Variants in RUNX1 observed in about 807,000 individuals in gnomAD.
RUNX1 encodes the protein RUNX family transcription factor 1, also known as runt-related transcription factor 1.
Under a neutral mutation model 42.8 loss-of-function variants are expected in RUNX1, and 19 were observed. The ratio of observed to expected loss-of-function variants is 0.44; its 90% CI spans 0.31 to 0.65. RUNX1 has a LOEUF of 0.65. Ranked by LOEUF, RUNX1 falls within the 30% of genes least tolerant of loss-of-function variation. RUNX1 has a pLI of 0.07. For missense variants in RUNX1, 528 were observed against 672.0 expected, an observed-to-expected ratio of 0.79 and a Z score of 2.37; for synonymous variants, 271 against 289.4, an observed-to-expected ratio of 0.94 and a Z score of 0.64.
At chr21:34,854,631 C>T (rs2057471650) in intron 6 of RUNX1, among the ~76,000 whole-genome samples, 1 of 151,834 alleles carries the variant, frequency 6.6e-6, no homozygotes, top group Non-Finnish European at 1.5e-5. Flanking sequence ...GCACATTTTA[C>T]CTTACTCCCT....
At chr21:34,923,994 C>A (rs1206277531) in intron 2 of RUNX1, among the ~76,000 whole-genome samples, 1 of 152,216 alleles carries the variant, frequency 6.6e-6, no homozygotes, top group African/African-American at 2.4e-5. Flanking sequence ...TGTCTTCCCC[C>A]TCTTGAATCT....
rs573662177 is a variant in RUNX1 at position 34,797,886 on chromosome 21, A to G, written c.967+1415T>C. On this transcript the variant is annotated intron_variant, in intron 8 of 8. Transcript: ENST00000675419. The stretch of plus-strand genomic sequence containing the variant: ...GTCTGGAAACATTTTTTATTGTCCT[A>G]ACTGGGGTGAGGGGGATGCTATTGG... Among the ~76,000 whole-genome samples, 30 of 152,210 alleles carry G rather than the reference A, an allele frequency of 2.0e-4. 1 individual carries two copies. In the South Asian group the frequency reaches 6.2e-3, roughly 32 times the overall value.
At chr21:34,990,587 G>A (rs191268200) in intron 2 of RUNX1, among the ~76,000 whole-genome samples, 8 of 152,226 alleles carry the variant, frequency 5.3e-5, no homozygotes, top group East Asian at 3.9e-4. Context: ...CCACAGAGAC[G>A]TGCACCCATA....
chr21:34,882,888 T>C (rs1406176763), intron 4 of RUNX1, among the ~76,000 whole-genome samples: 3 of 152,194 alleles, frequency 2.0e-5, no homozygotes, highest in Non-Finnish European at 2.9e-5. Flanking sequence ...GGCTTCTCTA[T>C]TGTAACTCAA....
chr21:35,007,679 G>A (rs539989970), intron 2 of RUNX1, among the ~76,000 whole-genome samples: 2 of 152,052 alleles, frequency 1.3e-5, no homozygotes, highest in Admixed American at 1.3e-4. Flanking sequence ...CAAGTCATCT[G>A]CCAACCCCCT....
At chr21:34,871,721 ACCTTGGT>A (rs2057740278) in intron 5 of RUNX1, among the ~76,000 whole-genome samples, 1 of 152,120 alleles carries the variant, frequency 6.6e-6, no homozygotes, top group Non-Finnish European at 1.5e-5. Context: ...AAACCCACAA[ACCTTGGT>A]CCTGTCTCCC....
intron 6 of RUNX1, among the ~76,000 whole-genome samples, chr21:34,840,917 G>A (rs1187390877): frequency 6.6e-6 from 1 of 152,100 alleles, no homozygotes; most frequent in Non-Finnish European, 1.5e-5. Flanking sequence ...TACTGACTGG[G>A]ACATTCCATT....
intron 7 of RUNX1, among the ~76,000 whole-genome samples, chr21:34,799,814 A>T (rs1292585514): frequency 2.0e-5 from 3 of 152,230 alleles, no homozygotes; most frequent in African/African-American, 7.2e-5. Context: ...ATGACTGCTG[A>T]CATGATTTCA....
At chr21:34,903,815 G>A (rs951813174) in intron 2 of RUNX1, among the ~76,000 whole-genome samples, 2 of 152,090 alleles carry the variant, frequency 1.3e-5, no homozygotes, top group East Asian at 1.9e-4. Flanking sequence ...TTTCTTGTGG[G>A]GTCATGAAAT....
At chr21:34,914,209 G>C (rs558411871) in intron 2 of RUNX1, among the ~76,000 whole-genome samples, 1 of 152,242 alleles carries the variant, frequency 6.6e-6, no homozygotes, top group African/African-American at 2.4e-5. Flanking sequence ...CTGTAGCTGA[G>C]TTTGCAAGAT....
intron 6 of RUNX1, among the ~76,000 whole-genome samples, chr21:34,854,724 G>A (rs2057472694): frequency 6.6e-6 from 1 of 152,050 alleles, no homozygotes; most frequent in Admixed American, 6.6e-5. Context: ...CACATCACAA[G>A]ACTCTACGTT....
Position 34,834,548 on chromosome 21 carries a change from C to T in RUNX1, c.667G>A (p.Glu223Lys), listed in dbSNP as rs878854468. ...QTKPGSLSFS[E>K]RLSELEQLRR... The stretch of plus-strand genomic sequence containing the variant: ...AGCTGCTCCAGTTCACTGAGCCGCT[C>T]GGAAAAGGACAAGCTCCCGGGCTTG... The change falls in exon 7 of 9, where the codon GAG (glutamate) becomes AAG (lysine). Residue 223 changes from glutamate to lysine, a missense_variant. By Grantham distance (56) the Glu-to-Lys change is moderately conservative. Around this residue, in one of 3 missense-constraint regions of RUNX1, gnomAD observed 331 missense variants for 382.5 expected, o/e 0.87. Coordinates refer to ENST00000675419, the MANE Select transcript of RUNX1 (RefSeq NM_001754.5). The T allele has an allele frequency of 2.4e-5, 38 of 1,602,596 alleles. No homozygotes were observed. Among genetic ancestry groups the T allele is most frequent in the Non-Finnish European group, 2.9e-5 (34 of 1,175,466 alleles).
intron 2 of RUNX1, among the ~76,000 whole-genome samples, chr21:35,024,006 T>G (rs2059218403): frequency 1.3e-5 from 2 of 151,110 alleles, no homozygotes; most frequent in African/African-American, 4.9e-5. Flanking sequence ...ATCAACATAT[T>G]AAATAAATAC....
intron 6 of RUNX1, among the ~76,000 whole-genome samples, chr21:34,844,118 G>GA (rs1189330110): frequency 6.6e-6 from 1 of 152,218 alleles, no homozygotes; most frequent in African/African-American, 2.4e-5. Context: ...AAAGTAACCA[G>GA]AGAGTGGTAA....
At chr21:34,992,058 T>C (rs1235844447) in intron 2 of RUNX1, among the ~76,000 whole-genome samples, 2 of 152,254 alleles carry the variant, frequency 1.3e-5, no homozygotes, top group African/African-American at 2.4e-5. Flanking sequence ...TCCAAAGCTG[T>C]GAAAATAATT....
chr21:34,903,368 CATT>C (rs902812310), intron 2 of RUNX1, among the ~76,000 whole-genome samples: 23 of 152,146 alleles, frequency 1.5e-4, no homozygotes, highest in African/African-American at 5.3e-4. Flanking sequence ...AGATAAGCTT[CATT>C]ATTATTATTA....
At chr21:34,934,338 C>G (rs1424736405) in intron 2 of RUNX1, among the ~76,000 whole-genome samples, 1 of 151,974 alleles carries the variant, frequency 6.6e-6, no homozygotes, top group African/African-American at 2.4e-5. Flanking sequence ...TCTTGGAGGA[C>G]TGAGGCCATG....
chr21:34,863,521 T>C (rs575079680), intron 5 of RUNX1, among the ~76,000 whole-genome samples: 34 of 152,092 alleles, frequency 2.2e-4, no homozygotes, highest in Middle Eastern at 3.4e-3. Flanking sequence ...GAATGGTCAT[T>C]ATCTGAATTC....
chr21:34,834,499 C>A lies in RUNX1; in HGVS notation c.716G>T (p.Ser239Ile). 6.2e-7 allele frequency: 1 copy of A among 1,613,416 alleles called. No individual in the cohort carries two copies. Among genetic ancestry groups the A allele is most frequent in the Non-Finnish European group, 8.5e-7 (1 of 1,179,914 alleles). Reference protein sequence around the residue: ...EQLRRTAMRVSPHHPAPTPNP... With the variant: ...EQLRRTAMRVIPHHPAPTPNP... Reference sequence around the variant, plus strand: ...GGGCGTGGGGGCTGGGTGGTGTGGGCTGACCCTCATGGCTGTGCGCCGCAG... The same window carrying A: ...GGGCGTGGGGGCTGGGTGGTGTGGGATGACCCTCATGGCTGTGCGCCGCAG... The change falls in exon 7 of 9, where the codon AGC becomes ATC. Residue 239 changes from serine to isoleucine, a missense_variant. Transcript: ENST00000675419.
Sources: allele counts gnomAD v4.1 joint callset (sites outside exome capture counted in the v4.1 genomes callset), GRCh38; gene constraint gnomAD v4.1.1; regional missense constraint gnomAD v4.1.1; transcripts MANE v1.5; gene names NCBI Gene and HGNC (gene_info 2026-07-23, HGNC 2026-07-21).